CFAP58: variants seen among roughly 807,000 people sequenced by gnomAD.
CFAP58 encodes the protein cilia- and flagella-associated protein 58.
CFAP58 carries 88 observed loss-of-function variants against 119.5 expected under a neutral mutation model. That is an observed-to-expected ratio of 0.74 (90% CI 0.62 to 0.88). The LOEUF (loss-of-function observed/expected upper bound fraction) is 0.88. CFAP58 is among the 40% of genes least tolerant of loss of function. The pLI, the probability that CFAP58 is intolerant of heterozygous loss-of-function variation, is 0.00. For missense variants in CFAP58, 990 were observed against 1,021.2 expected (o/e 0.97, Z 0.42); for synonymous variants, 365 against 366.3 (o/e 1.00, Z 0.04).
intron 7 of CFAP58, among the ~76,000 whole-genome samples, chr10:104,373,862 C>G (rs1490555546): frequency 6.6e-6 from 1 of 152,054 alleles, no homozygotes; most frequent in Non-Finnish European, 1.5e-5. Context: ...GTGATGATGT[C>G]CAGATAAACA....
chr10:104,352,941 T>C (rs1235901501), upstream of CFAP58, among the ~76,000 whole-genome samples: 2 of 152,154 alleles, frequency 1.3e-5, no homozygotes, highest in Non-Finnish European at 2.9e-5. Flanking sequence ...AAAAATACAC[T>C]GATAAAAATT....
intron 1 of CFAP58, among the ~76,000 whole-genome samples, chr10:104,355,518 A>C (rs2014532406): frequency 6.6e-6 from 1 of 152,026 alleles, no homozygotes; most frequent in African/African-American, 2.4e-5. Context: ...CTGCTTTCAC[A>C]ATTCTCTATT....
intron 2 of CFAP58, among the ~76,000 whole-genome samples, chr10:104,361,527 A>G (rs2014666105): frequency 6.6e-6 from 1 of 152,176 alleles, no homozygotes; most frequent in African/African-American, 2.4e-5. Context: ...ATCTATGATC[A>G]TTTCTCATGT....
At position 104,394,900 on chromosome 10, in the gene CFAP58, G is replaced by T. The variant is rs17828465; in HGVS notation, c.1674+1425G>T. Among the ~76,000 whole-genome samples, 7 of 152,258 alleles carry T rather than the reference G, an allele frequency of 4.6e-5. No homozygotes were observed. In the East Asian group the frequency reaches 1.3e-3, roughly 29 times the overall value. On this transcript the variant is annotated intron_variant, in intron 11 of 17. Coordinates refer to ENST00000369704, the MANE Select transcript of CFAP58 (RefSeq NM_001008723.2). Reference sequence around the variant, plus strand: ...GGGTTTATTTATTGCTGAATGAATCGGAAGAAACTTATTTTAAACATTGCT... The same window carrying T: ...GGGTTTATTTATTGCTGAATGAATCTGAAGAAACTTATTTTAAACATTGCT...
chr10:104,396,780 G>T (rs193026604), intron 11 of CFAP58, among the ~76,000 whole-genome samples: 1 of 152,208 alleles, frequency 6.6e-6, no homozygotes, highest in Non-Finnish European at 1.5e-5. Context: ...CACCTAGGGC[G>T]TTGCTTGATG....
intron 15 of CFAP58, among the ~76,000 whole-genome samples, chr10:104,423,825 G>A (rs2012699435): frequency 6.6e-6 from 1 of 152,164 alleles, no homozygotes. Flanking sequence ...AAGGACCCGG[G>A]GGAGTCCTAT....
chr10:104,392,572 T>C (rs1218456963), intron 10 of CFAP58, among the ~76,000 whole-genome samples, 178 bp downstream of exon 10: 2 of 151,974 alleles, frequency 1.3e-5, no homozygotes, highest in African/African-American at 2.4e-5. Flanking sequence ...TGACACATCT[T>C]AATAGGATGT....
At chr10:104,357,174 T>A (rs565289435) in intron 1 of CFAP58, among the ~76,000 whole-genome samples, 50 of 152,324 alleles carry the variant, frequency 3.3e-4, no homozygotes, top group African/African-American at 1.2e-3. Flanking sequence ...AGAATCCCGA[T>A]ATAACTCACT....
At chr10:104,404,726 C>T (rs1439190478) in intron 14 of CFAP58, among the ~76,000 whole-genome samples, 2 of 152,160 alleles carry the variant, frequency 1.3e-5, no homozygotes, top group South Asian at 2.1e-4. Flanking sequence ...TCTCCTGCCT[C>T]AGCCTCCCAA....
In CFAP58 at chr10:104,366,250, A is replaced by G. The variant is rs188866239; in HGVS notation, c.792+242A>G. Reference sequence around the variant, plus strand: ...TAAGTTTCTTTTTAACCTTCTATTGATCTATACTACACATATAGACAAGTG... The same window carrying G: ...TAAGTTTCTTTTTAACCTTCTATTGGTCTATACTACACATATAGACAAGTG... On this transcript the variant is annotated intron_variant, in intron 5 of 17. Coordinates refer to ENST00000369704, the MANE Select transcript of CFAP58 (RefSeq NM_001008723.2). Among the ~76,000 whole-genome samples the G allele has an allele frequency of 1.7e-4, 26 of 152,114 alleles. No homozygotes were observed. In the East Asian group the frequency reaches 4.6e-3, roughly 27 times the overall value.
At chr10:104,374,455 A>G (rs1171941382) in intron 7 of CFAP58, among the ~76,000 whole-genome samples, 2 of 115,094 alleles carry the variant, frequency 1.7e-5, no homozygotes, top group African/African-American at 9.4e-5. Context: ...TGTTTCAGGA[A>G]AAAAAAAAAA....
At chr10:104,417,825 A>G (rs1207105417) in intron 15 of CFAP58, among the ~76,000 whole-genome samples, 2 of 152,186 alleles carry the variant, frequency 1.3e-5, no homozygotes, top group African/African-American at 4.8e-5. Flanking sequence ...AGGGAACTGA[A>G]CTTGTTCAAG....
At chr10:104,382,453 T>G in intron 9 of CFAP58, 1 of 445,896 alleles carries the variant, frequency 2.2e-6, no homozygotes, top group Non-Finnish European at 4.1e-6. Context: ...CTCTCAAAAA[T>G]TCCAGTGTGG....
chr10:104,390,450 C>G (rs927042030), intron 9 of CFAP58, among the ~76,000 whole-genome samples: 8 of 152,176 alleles, frequency 5.3e-5, no homozygotes, highest in African/African-American at 1.2e-4. Context: ...GTGTAGTTGT[C>G]TATTTACTCA....
chr10:104,383,543 A>G (rs1202002312), intron 9 of CFAP58, among the ~76,000 whole-genome samples: 1 of 152,178 alleles, frequency 6.6e-6, no homozygotes, highest in African/African-American at 2.4e-5. Flanking sequence ...GTTTTTCACA[A>G]GTTCTGATAT....
chr10:104,357,357 A>G (rs1051048819), intron 1 of CFAP58, among the ~76,000 whole-genome samples: 1 of 152,214 alleles, frequency 6.6e-6, no homozygotes, highest in Non-Finnish European at 1.5e-5. Flanking sequence ...CCTAGCCTAC[A>G]TTTCTAAGGA....
chr10:104,407,321 A>G (rs2012381443), intron 15 of CFAP58, among the ~76,000 whole-genome samples: 1 of 152,182 alleles, frequency 6.6e-6, no homozygotes, highest in African/African-American at 2.4e-5. Flanking sequence ...TGCCATCATC[A>G]TCATCATCAT....
intron 2 of CFAP58, among the ~76,000 whole-genome samples, chr10:104,358,996 T>C (rs2014633139): frequency 6.6e-6 from 1 of 152,206 alleles, no homozygotes; most frequent in Non-Finnish European, 1.5e-5. Flanking sequence ...CTGCTTTTTC[T>C]CCTGTTTTAG....
In CFAP58 at chr10:104,454,529, A is replaced by G. The variant is rs1397416108; in HGVS notation, c.2618A>G (p.Ter873=). The change falls in exon 18 of 18, where the codon TAA becomes TGA. Residue 873 remains the stop codon, a stop_retained_variant. Transcript: ENST00000369704. The part of the protein sequence containing the change: ...FPLRSTKMTF[*] ...CTCAGGTCAACCAAAATGACGTTCT[A>G]ACCTGAAGCTGCTGGCTGTTTCCAG... 1 of 1,609,010 alleles carries G rather than the reference A, an allele frequency of 6.2e-7. No homozygotes were observed. Among genetic ancestry groups the G allele is most frequent in the South Asian group, 1.1e-5 (1 of 90,944 alleles).
Sources: gnomAD v4.1 joint callset for allele counts (sites outside exome capture counted in the v4.1 genomes callset) on GRCh38, gnomAD v4.1.1 for gene constraint, MANE v1.5 for transcripts, NCBI Gene and HGNC (gene_info 2026-07-23, HGNC 2026-07-21) for gene names.